Variants in DLGAP1 observed in about 807,000 individuals in gnomAD.
The protein encoded by DLGAP1 is disks large-associated protein 1.
In DLGAP1, 11 loss-of-function variants were observed where a neutral mutation model predicts 90.8. The observed-to-expected ratio is 0.12, with a 90% CI of 0.08 to 0.20. The LOEUF is 0.20. DLGAP1 is among the 10% of genes least tolerant of loss of function. The pLI is 1.00. For synonymous variants in DLGAP1, 558 were observed against 540.7 expected, an observed-to-expected ratio of 1.03 and a Z score of -0.44; for missense variants, 1,050 against 1,333.8, an observed-to-expected ratio of 0.79 and a Z score of 3.31.
At chr18:3,753,596 T>C (rs2147834708) in intron 5 of DLGAP1, among the ~76,000 whole-genome samples, 1 of 152,278 alleles carries the variant, frequency 6.6e-6, no homozygotes, top group South Asian at 2.1e-4. Flanking sequence ...GTTACAGGGA[T>C]GTGTGCATGC....
chr18:3,522,530 A>G (rs1297180550), intron 10 of DLGAP1, among the ~76,000 whole-genome samples: 6 of 147,280 alleles, frequency 4.1e-5, no homozygotes, highest in Non-Finnish European at 7.4e-5. Context: ...TACTTTAAAG[A>G]CACGTGCAGT....
rs1415060882 is a variant in DLGAP1, at chr18:4,082,415, GC to G, written c.-159+68764del. ...AATCCCAGCTACTCGGGAGGCTGAGGCCCAAGAATCACTTGAACCTGGGAGG... is the reference window on the plus strand; with the variant it reads ...AATCCCAGCTACTCGGGAGGCTGAGGCCAAGAATCACTTGAACCTGGGAGG... On this transcript the variant is annotated intron_variant, in intron 2 of 12. Coordinates refer to ENST00000315677, the MANE Select transcript of DLGAP1 (RefSeq NM_004746.4). Among the ~76,000 whole-genome samples, 6 of 147,194 alleles carry G rather than the reference GC, an allele frequency of 4.1e-5. No individual in the cohort carries two copies. The East Asian group carries it at 1.3e-3, about 31-fold the overall frequency.
Position 4,383,965 on chromosome 18 carries a change from T to C in DLGAP1, c.-267+71041A>G, listed in dbSNP as rs1050878898. Reference sequence around the variant, plus strand: ...ACACCCTTTCACTCTGCTAATAAGATGTACAAAAGTCAAAACAGCTTCCAT... The same window carrying C: ...ACACCCTTTCACTCTGCTAATAAGACGTACAAAAGTCAAAACAGCTTCCAT... On this transcript the variant is annotated intron_variant, in intron 1 of 12. Transcript: ENST00000315677. This position sits in a 1 kb window ranked among gnomAD's most constrained non-coding sequence, Gnocchi z 4.0. 3.3e-5 allele frequency among the ~76,000 whole-genome samples: 5 copies of C among 152,130 alleles called. No homozygotes were observed. Among genetic ancestry groups the C allele is most frequent in the African/African-American group, 1.2e-4 (5 of 41,424 alleles).
At chr18:3,600,853 TAGATATATATAGATATATAGATATATAG>T (rs2056920488) in intron 7 of DLGAP1, among the ~76,000 whole-genome samples, 1 of 112,478 alleles carries the variant, frequency 8.9e-6, no homozygotes, top group Non-Finnish European at 1.7e-5. Flanking sequence ...TATAGATATA[TAGATATATATAGATATATAGATATATAG>T]ATAGATATAT....
At chr18:3,502,452 C>T (rs1395664608) in intron 12 of DLGAP1, 41 bp downstream of exon 12, 8 of 1,613,096 alleles carry the variant, frequency 5.0e-6, no homozygotes, top group Admixed American at 1.7e-5. Context: ...AGTGTTTGTG[C>T]AGGTTTTTAA....
intron 4 of DLGAP1, among the ~76,000 whole-genome samples, chr18:3,818,442 C>G (rs371317725): frequency 4.1e-4 from 61 of 149,066 alleles, no homozygotes; most frequent in African/African-American, 1.5e-3. Flanking sequence ...TCACTGCAAC[C>G]TCCACCTCCC....
intron 7 of DLGAP1, among the ~76,000 whole-genome samples, chr18:3,708,861 G>A (rs1287854548): frequency 6.6e-6 from 1 of 152,142 alleles, no homozygotes; most frequent in Non-Finnish European, 1.5e-5. Flanking sequence ...CACATTAGGT[G>A]GAAGGAAGAA....
intron 1 of DLGAP1, among the ~76,000 whole-genome samples, chr18:4,173,462 A>G (rs2077056185): frequency 6.6e-6 from 1 of 152,178 alleles, no homozygotes; most frequent in Non-Finnish European, 1.5e-5. Flanking sequence ...CCTCAGGGAT[A>G]TTAGACATTT....
intron 1 of DLGAP1, among the ~76,000 whole-genome samples, chr18:4,159,664 G>A (rs1165953527): frequency 1.3e-5 from 2 of 151,906 alleles, no homozygotes; most frequent in Non-Finnish European, 2.9e-5. Flanking sequence ...TGGGTTGAAT[G>A]TAAAAAAAAA....
At chr18:3,554,817 G>T (rs1263443472) in intron 9 of DLGAP1, among the ~76,000 whole-genome samples, 1 of 152,174 alleles carries the variant, frequency 6.6e-6, no homozygotes, top group African/African-American at 2.4e-5. Context: ...GTTAGTTTTT[G>T]TTCCTAAATT....
intron 1 of DLGAP1, among the ~76,000 whole-genome samples, chr18:4,153,164 A>G (rs1341557837): frequency 2.0e-5 from 3 of 152,260 alleles, no homozygotes; most frequent in African/African-American, 7.2e-5. Context: ...GAGGTCTTAA[A>G]TGTCATCTAG....
chr18:3,575,945 C>T (rs1165466930), intron 8 of DLGAP1, among the ~76,000 whole-genome samples: 1 of 152,208 alleles, frequency 6.6e-6, no homozygotes, highest in Non-Finnish European at 1.5e-5. Context: ...GCACACGGAT[C>T]ATGTCCATTT....
intron 1 of DLGAP1, among the ~76,000 whole-genome samples, chr18:4,244,183 GTAGGAAATCTGGAC>G (rs2145149833): frequency 6.6e-6 from 1 of 152,254 alleles, no homozygotes; most frequent in South Asian, 2.1e-4. Flanking sequence ...AAGAGTGTCA[GTAGGAAATCTGGAC>G]TAACAACGGT....
chr18:4,397,059 C>G (rs1437558813), intron 1 of DLGAP1, among the ~76,000 whole-genome samples: 1 of 152,164 alleles, frequency 6.6e-6, no homozygotes, highest in Non-Finnish European at 1.5e-5. Flanking sequence ...AGCTATGCAA[C>G]CAAGGCAGGG....
intron 7 of DLGAP1, among the ~76,000 whole-genome samples, chr18:3,672,778 G>A (rs1057067542): frequency 2.0e-5 from 3 of 151,728 alleles, no homozygotes; most frequent in Admixed American, 1.3e-4. Context: ...GCACATGTCC[G>A]GCATCAAGGC....
intron 1 of DLGAP1, among the ~76,000 whole-genome samples, chr18:4,313,219 C>T (rs949788858): frequency 6.6e-6 from 1 of 152,024 alleles, no homozygotes; most frequent in Admixed American, 6.6e-5. Flanking sequence ...AATAGAAGCA[C>T]TAAATAAGGA....
chr18:3,858,827 A>G (rs1360540770), intron 4 of DLGAP1, among the ~76,000 whole-genome samples: 1 of 152,230 alleles, frequency 6.6e-6, no homozygotes, highest in African/African-American at 2.4e-5. Flanking sequence ...ATACCATCTC[A>G]CAAGAAAGGA....
intron 2 of DLGAP1, among the ~76,000 whole-genome samples, chr18:4,077,089 T>C (rs189482617): frequency 2.2e-4 from 33 of 152,288 alleles, no homozygotes; most frequent in African/African-American, 7.9e-4. Context: ...TGACCTTCAC[T>C]CTATGCTACC....
intron 1 of DLGAP1, among the ~76,000 whole-genome samples, chr18:4,164,260 ACAAAAATC>A (rs980050794): frequency 6.6e-6 from 1 of 152,220 alleles, no homozygotes; most frequent in African/African-American, 2.4e-5. Context: ...CACCTGTCAT[ACAAAAATC>A]AAGGAAACAA....
Sources: allele counts gnomAD v4.1 joint callset (sites outside exome capture counted in the v4.1 genomes callset), GRCh38; gene constraint gnomAD v4.1.1; non-coding constraint Gnocchi (gnomAD v3.1); transcripts MANE v1.5; gene names NCBI Gene and HGNC (gene_info 2026-07-23, HGNC 2026-07-21).